NCS1: variants seen among roughly 807,000 people sequenced by gnomAD.
NCS1 encodes neuronal calcium sensor 1.
A neutral mutation model predicts 28.4 loss-of-function variants in NCS1; 6 were observed. The ratio of observed to expected loss-of-function variants is 0.21; its 90% CI spans 0.12 to 0.42. The LOEUF (loss-of-function observed/expected upper bound fraction) is 0.42, where lower values mean the gene tolerates loss of function less well. Among genes scored for constraint, NCS1 ranks in the 10% least tolerant of loss-of-function variants. The pLI, the probability that NCS1 is intolerant of heterozygous loss-of-function variation, is 1.00. For missense variants in NCS1, 131 were observed against 241.4 expected (o/e 0.54, Z 3.03); for synonymous variants, 86 against 99.3 (o/e 0.87, Z 0.79).
At position 130,191,069 on chromosome 9, in the gene NCS1, AG is replaced by A. The variant is rs1205887553; in HGVS notation, c.65-9886del. Among the ~76,000 whole-genome samples, 4 of 152,196 alleles carry A rather than the reference AG, an allele frequency of 2.6e-5. No homozygotes were observed. The highest frequency in any genetic ancestry group is 2.6e-4 in the Admixed American group (4 of 15,286). On this transcript the variant is annotated intron_variant, in intron 1 of 7. Transcript: ENST00000372398. This position sits in a 1 kb window ranked among gnomAD's most constrained non-coding sequence, Gnocchi z 6.4. ...GACTCCTCATCGGCACAGCATCTCC[AG>A]GGCGCCCACCATGTGCTGGGCTCAG...
chr9:130,217,680 C>T (rs1304826722), intron 2 of NCS1, 152 bp from the exon 3 acceptor site: 16 of 1,095,724 alleles, frequency 1.5e-5, no homozygotes, highest in South Asian at 2.5e-5. Flanking sequence ...GGTGGGACTG[C>T]GCCTGTGCCT....
chr9:130,174,783 CTG>C lies in NCS1; in HGVS notation c.64+2058_64+2059del, dbSNP rs1832538379. Among the ~76,000 whole-genome samples, 5 of 67,976 alleles carry C rather than the reference CTG, an allele frequency of 7.4e-5. No homozygotes were observed. In the South Asian group the frequency reaches 2.2e-3, roughly 29 times the overall value. 44.6% of individuals were successfully genotyped at this position (67,976 alleles called of 152,430 possible). On this transcript the variant is annotated intron_variant, in intron 1 of 7. Coordinates refer to ENST00000372398, the MANE Select transcript of NCS1 (RefSeq NM_014286.4). ...GTGAGATTGCTCCAAGAGGGAAACT[CTG>C]TCTCCAAAAAAAAAAAAAAAAAGCT...
At chr9:130,217,247 T>C (rs1369922603) in intron 2 of NCS1, among the ~76,000 whole-genome samples, 1 of 152,212 alleles carries the variant, frequency 6.6e-6, no homozygotes, top group Non-Finnish European at 1.5e-5. Context: ...TGCTGGGCAC[T>C]GGGACTGCAG....
At chr9:130,221,411 TATAGAG>T (rs1266226473) in intron 4 of NCS1, among the ~76,000 whole-genome samples, 16 of 51,982 alleles carry the variant, frequency 3.1e-4, no homozygotes, top group African/African-American at 1.1e-3. Flanking sequence ...TATATATATA[TATAGAG>T]AGAGAGAGAG....
chr9:130,208,991 CGGAGGCTACTGGGGG>C (rs1833072140), intron 2 of NCS1, among the ~76,000 whole-genome samples: 1 of 152,062 alleles, frequency 6.6e-6, no homozygotes, highest in Non-Finnish European at 1.5e-5. Context: ...CCTGTAAAAC[CGGAGGCTACTGGGGG>C]GAAGGGAAAG....
Position 130,180,747 on chromosome 9 carries a change from G to A in NCS1, c.64+8020G>A, listed in dbSNP as rs1832642452. The stretch of plus-strand genomic sequence containing the variant: ...GCTCAGTAAATGCTCTCCCAGGAAG[G>A]AGGCTGCTGGACCGGCTGTATCAGG... On this transcript the variant is annotated intron_variant, in intron 1 of 7. Coordinates refer to ENST00000372398, the MANE Select transcript of NCS1 (RefSeq NM_014286.4). The surrounding 1 kb of genome is among the most constrained non-coding windows in gnomAD (Gnocchi z 4.5). Among the ~76,000 whole-genome samples the A allele has an allele frequency of 6.6e-6, 1 of 152,224 alleles. No individual in the cohort carries two copies. The highest frequency in any genetic ancestry group is 2.4e-5 in the African/African-American group (1 of 41,460).
At chr9:130,221,053 T>TCG (rs1833278148) in intron 4 of NCS1, among the ~76,000 whole-genome samples, 1 of 152,054 alleles carries the variant, frequency 6.6e-6, no homozygotes, top group Non-Finnish European at 1.5e-5. Flanking sequence ...AGACAGAGTC[T>TCG]CGCTCTGTTG....
At chr9:130,193,892 C>T (rs1832846564) in intron 1 of NCS1, 1 of 152,354 alleles carries the variant, frequency 6.6e-6, no homozygotes, top group African/African-American at 2.4e-5. Context: ...TGGCCAGGCC[C>T]AAAGGCCCCG....
rs532381889 is a variant in NCS1, at chr9:130,177,753, C to T, written c.64+5026C>T. ...CTTGCTCATCCTTCAGACCTGCCTT[C>T]CAACTCCATGGATCTAAACAGGAGA... On this transcript the variant is annotated intron_variant, in intron 1 of 7. Coordinates refer to ENST00000372398, the MANE Select transcript of NCS1 (RefSeq NM_014286.4). This position sits in a 1 kb window ranked among gnomAD's most constrained non-coding sequence, Gnocchi z 4.4. Among the ~76,000 whole-genome samples, 262 of 152,358 alleles carry T rather than the reference C, an allele frequency of 1.7e-3. 1 individual carries two copies. The highest frequency in any genetic ancestry group is 2.1e-3 in the Non-Finnish European group (144 of 68,032).
At position 130,230,252 on chromosome 9, in the gene NCS1, G is replaced by A. The variant is rs529401906; in HGVS notation, c.*18-2738G>A. On this transcript the variant is annotated intron_variant, in intron 7 of 7. Transcript: ENST00000372398. Reference sequence around the variant, plus strand: ...TGTAATCCCAGCTATTTGGGAGGCCGAGGCAGGAGAATTGCTTGAACCTGG... The same window carrying A: ...TGTAATCCCAGCTATTTGGGAGGCCAAGGCAGGAGAATTGCTTGAACCTGG... Among the ~76,000 whole-genome samples the A allele has an allele frequency of 5.3e-5, 8 of 152,276 alleles. No homozygotes were observed. The East Asian group carries it at 9.6e-4, about 18-fold the overall frequency.
At chr9:130,205,834 A>G in intron 2 of NCS1, among the ~76,000 whole-genome samples, 1 of 135,170 alleles carries the variant, frequency 7.4e-6, no homozygotes. Context: ...ACCCTGTCTT[A>G]AAAAAAAAAA....
intron 1 of NCS1, among the ~76,000 whole-genome samples, chr9:130,173,212 G>A (rs1832515090): frequency 6.6e-6 from 1 of 150,584 alleles, no homozygotes; most frequent in African/African-American, 2.4e-5. Flanking sequence ...GGGGGGGGGT[G>A]GCGAGACTTG....
chr9:130,221,395 TATATATATATATATATATAGAGAG>T (rs1288700095), intron 4 of NCS1, among the ~76,000 whole-genome samples: 132 of 64,906 alleles, frequency 2.0e-3, no homozygotes, highest in Non-Finnish European at 2.7e-3. Flanking sequence ...TATATATATA[TATATATATATATATATATAGAGAG>T]AGAGAGAGAG....
chr9:130,234,276 G>C lies in NCS1; in HGVS notation c.*1304G>C, dbSNP rs992074298. ...CTTCTCTTGGCTCAAAGGCTGGGAG[G>C]GAGGGAAGGAGAGAAGAGTTCCAGG... On this transcript the variant is annotated 3_prime_UTR_variant, in exon 8 of 8. Coordinates refer to ENST00000372398, the MANE Select transcript of NCS1 (RefSeq NM_014286.4). This position sits in a 1 kb window ranked among gnomAD's most constrained non-coding sequence, Gnocchi z 6.1. 10 of 152,296 alleles carry C rather than the reference G, an allele frequency of 6.6e-5. No homozygotes were observed. Among genetic ancestry groups the C allele is most frequent in the Non-Finnish European group, 1.0e-4 (7 of 68,096 alleles). The allele number at this position is 152,296 out of a possible 1,614,324, so 9.4% of individuals were successfully genotyped here.
chr9:130,209,002 G>A lies in NCS1; in HGVS notation c.89+8020G>A, dbSNP rs968707497. ...GAAACCTGTAAAACCGGAGGCTACT[G>A]GGGGGAAGGGAAAGGAAGAGGAACC... On this transcript the variant is annotated intron_variant, in intron 2 of 7. Coordinates refer to ENST00000372398, the MANE Select transcript of NCS1 (RefSeq NM_014286.4). The surrounding 1 kb of genome is among the most constrained non-coding windows in gnomAD (Gnocchi z 4.4). Among the ~76,000 whole-genome samples, 1 of 151,884 alleles carries A rather than the reference G, an allele frequency of 6.6e-6. No individual in the cohort carries two copies. Among genetic ancestry groups the A allele is most frequent in the African/African-American group, 2.4e-5 (1 of 41,400 alleles).
intron 1 of NCS1, among the ~76,000 whole-genome samples, chr9:130,176,997 C>T (rs1329254550): frequency 2.6e-5 from 4 of 152,208 alleles, no homozygotes; most frequent in Admixed American, 6.5e-5. Flanking sequence ...CAGGGACCCT[C>T]GGTCTGGGAC....
chr9:130,172,769 C>A (rs1554904201), intron 1 of NCS1, 42 bp downstream of exon 1: 1 of 1,158,956 alleles, frequency 8.6e-7, no homozygotes, highest in Non-Finnish European at 1.1e-6. Context: ...GCGGTCACCC[C>A]CACACCCACC....
rs1357911286 is a variant in NCS1, at chr9:130,186,402, GA to G, written c.64+13680del. On this transcript the variant is annotated intron_variant, in intron 1 of 7. Coordinates refer to ENST00000372398, the MANE Select transcript of NCS1 (RefSeq NM_014286.4). This position sits in a 1 kb window ranked among gnomAD's most constrained non-coding sequence, Gnocchi z 4.1. The stretch of plus-strand genomic sequence containing the variant: ...CGGGGCTAGGGTTGCCAGACATACT[GA>G]AAAATGATTTGCTGTTTACCTGATA... Among the ~76,000 whole-genome samples, 3 of 152,196 alleles carry G rather than the reference GA, an allele frequency of 2.0e-5. No individual in the cohort carries two copies. The highest frequency in any genetic ancestry group is 2.9e-5 in the Non-Finnish European group (2 of 68,028).
chr9:130,212,482 T>C (rs1554908897), intron 2 of NCS1, among the ~76,000 whole-genome samples: 1 of 147,790 alleles, frequency 6.8e-6, no homozygotes, highest in African/African-American at 2.5e-5. Context: ...AGTGCCGGGG[T>C]GGGGAAACCC....
Sources: gnomAD v4.1 joint callset for allele counts (sites outside exome capture counted in the v4.1 genomes callset) on GRCh38, gnomAD v4.1.1 for gene constraint, Gnocchi (gnomAD v3.1) non-coding constraint, MANE v1.5 for transcripts, NCBI Gene and HGNC (gene_info 2026-07-23, HGNC 2026-07-21) for gene names.